The following AKAP19 variants were observed in gnomAD, a reference collection of about 807,000 sequenced individuals.
The protein encoded by AKAP19 is A-kinase anchoring protein 19.
chr2:190,052,684 C>G, the AKAP19 span, among the ~76,000 whole-genome samples: 1 of 152,032 alleles, frequency 6.6e-6, no homozygotes, highest in African/African-American at 2.4e-5. Context: ...GAGAAAAAAC[C>G]CTTAACACTT....
At chr2:190,178,827 G>A in the AKAP19 span, among the ~76,000 whole-genome samples, 11 of 152,338 alleles carry the variant, frequency 7.2e-5, no homozygotes, top group Non-Finnish European at 1.5e-4. The surrounding 1 kb of genome is among the most constrained non-coding windows in gnomAD (Gnocchi z 6.3). Flanking sequence ...TAACTGGGAA[G>A]TAAAAAACAC....
chr2:190,162,335 C>G, the AKAP19 span, among the ~76,000 whole-genome samples: 3 of 152,048 alleles, frequency 2.0e-5, no homozygotes, highest in African/African-American at 7.2e-5. Context: ...CCCAGCCACT[C>G]TAGGTAATAG....
chr2:190,100,126 C>A, the AKAP19 span, among the ~76,000 whole-genome samples: 1 of 152,134 alleles, frequency 6.6e-6, no homozygotes, highest in African/African-American at 2.4e-5. Context: ...ATCCGGGAGT[C>A]ATAAAGGGTT....
the AKAP19 span, among the ~76,000 whole-genome samples, chr2:190,194,778 T>A: frequency 1.3e-5 from 2 of 152,320 alleles, no homozygotes; most frequent in Admixed American, 6.5e-5. Context: ...ATAGTTGTAA[T>A]CATACAGCAT....
the AKAP19 span, among the ~76,000 whole-genome samples, chr2:189,938,560 G>A: frequency 6.6e-6 from 1 of 152,090 alleles, no homozygotes; most frequent in African/African-American, 2.4e-5. Context: ...AAGAGTAGAA[G>A]GATGGTTACC....
chr2:189,919,869 C>T, the AKAP19 span, among the ~76,000 whole-genome samples: 1 of 152,226 alleles, frequency 6.6e-6, no homozygotes, highest in Admixed American at 6.5e-5. Context: ...CCTCCATCCT[C>T]TTCCTCTATC....
chr2:189,912,787 A>G, the AKAP19 span, among the ~76,000 whole-genome samples: 2 of 151,854 alleles, frequency 1.3e-5, no homozygotes, highest in African/African-American at 4.8e-5. Flanking sequence ...ATTTTGCAGT[A>G]AAATTAGTGT....
chr2:189,955,469 GGGTA>G, the AKAP19 span, among the ~76,000 whole-genome samples: 1 of 152,060 alleles, frequency 6.6e-6, no homozygotes, highest in South Asian at 2.1e-4. Flanking sequence ...CTTTTTCTTT[GGGTA>G]GGTACCCAGT....
the AKAP19 span, among the ~76,000 whole-genome samples, chr2:190,196,731 T>C: frequency 6.6e-6 from 1 of 152,192 alleles, no homozygotes; most frequent in Non-Finnish European, 1.5e-5. Context: ...AGGCTGGCTA[T>C]TTTTGTAAAT....
At chr2:190,057,706 G>T in the AKAP19 span, 2 of 1,535,110 alleles carry the variant, frequency 1.3e-6, no homozygotes, top group Admixed American at 1.7e-5. Flanking sequence ...CCTACCTTAA[G>T]AAGTTATTGT....
chr2:190,007,892 G>C, the AKAP19 span, among the ~76,000 whole-genome samples: 1 of 152,150 alleles, frequency 6.6e-6, no homozygotes, highest in African/African-American at 2.4e-5. Flanking sequence ...AACCCAGGAG[G>C]CAGAGGTTGC....
At chr2:190,051,914 T>C in the AKAP19 span, among the ~76,000 whole-genome samples, 2 of 151,964 alleles carry the variant, frequency 1.3e-5, no homozygotes, top group African/African-American at 4.8e-5. Context: ...CTCGGCTCAC[T>C]GCAAGCTCCA....
chr2:190,147,058 G>A, the AKAP19 span, among the ~76,000 whole-genome samples: 3 of 152,124 alleles, frequency 2.0e-5, no homozygotes, highest in South Asian at 6.2e-4. Context: ...TGGGTTCTTG[G>A]TCATGAAATC....
chr2:189,932,989 T>C, the AKAP19 span, among the ~76,000 whole-genome samples: 7 of 152,312 alleles, frequency 4.6e-5, no homozygotes, highest in African/African-American at 1.7e-4. Flanking sequence ...GTAGCTCATA[T>C]CTAGATTATC....
the AKAP19 span, among the ~76,000 whole-genome samples, chr2:190,096,459 T>A: frequency 3.6e-3 from 555 of 152,274 alleles, 16 homozygotes; most frequent in Admixed American, 0.033. Flanking sequence ...TTTTTAGGGG[T>A]CTTGCTGTCT....
chr2:189,961,315 T>G, the AKAP19 span, among the ~76,000 whole-genome samples: 5 of 152,158 alleles, frequency 3.3e-5, no homozygotes, highest in Non-Finnish European at 7.3e-5. Context: ...ATATGGTCTC[T>G]ACCCAAAAGA....
At chr2:189,987,390 C>G in the AKAP19 span, among the ~76,000 whole-genome samples, 38 of 152,190 alleles carry the variant, frequency 2.5e-4, no homozygotes, top group African/African-American at 8.4e-4. Context: ...TCTTTATCAA[C>G]TGCATGAAAA....
At chr2:190,038,296 A>G in the AKAP19 span, among the ~76,000 whole-genome samples, 2 of 152,170 alleles carry the variant, frequency 1.3e-5, no homozygotes, top group Non-Finnish European at 2.9e-5. Context: ...CAGCCAGTCC[A>G]GCAGCCTGTT....
At chr2:189,905,989 G>A in the AKAP19 span, among the ~76,000 whole-genome samples, 1 of 152,100 alleles carries the variant, frequency 6.6e-6, no homozygotes, top group South Asian at 2.1e-4. Flanking sequence ...TTTGAATTGG[G>A]TATTCATGGT....
Sources: allele counts gnomAD v4.1 joint callset (sites outside exome capture counted in the v4.1 genomes callset), GRCh38; gene constraint gnomAD v4.1.1; non-coding constraint Gnocchi (gnomAD v3.1); transcripts MANE v1.5; gene names NCBI Gene and HGNC (gene_info 2026-07-23, HGNC 2026-07-21).